Variants in NSMCE2 observed in about 807,000 individuals in gnomAD.
NSMCE2 encodes the protein NSE2 SUMO ligase component of SMC5/6 complex, also known as E3 SUMO-protein ligase NSE2.
A neutral mutation model predicts 23.8 loss-of-function variants in NSMCE2; 24 were observed. The ratio of observed to expected loss-of-function variants is 1.01; its 90% CI spans 0.73 to 1.42. NSMCE2 has a LOEUF of 1.42. NSMCE2 is among the 40% of genes most tolerant of loss of function. The pLI is 0.00. For missense variants in NSMCE2, 284 were observed against 296.5 expected, an observed-to-expected ratio of 0.96 and a Z score of 0.31; for synonymous variants, 92 against 94.1, an observed-to-expected ratio of 0.98 and a Z score of 0.13.
intron 5 of NSMCE2, among the ~76,000 whole-genome samples, chr8:125,290,314 A>C (rs559743481): frequency 5.9e-5 from 9 of 152,324 alleles, no homozygotes; most frequent in Admixed American, 2.6e-4. Context: ...TAGCAAAAAA[A>C]AATTAATAAA....
At chr8:125,364,378 G>A (rs182736248) in intron 7 of NSMCE2, among the ~76,000 whole-genome samples, 2 of 152,290 alleles carry the variant, frequency 1.3e-5, no homozygotes, top group Non-Finnish European at 2.9e-5. Context: ...GGACTGTTGG[G>A]CTTCCTACCA....
At chr8:125,202,040 C>T (rs1823906209) in intron 5 of NSMCE2, among the ~76,000 whole-genome samples, 1 of 152,242 alleles carries the variant, frequency 6.6e-6, no homozygotes, top group South Asian at 2.1e-4. Flanking sequence ...GAGAGAATCT[C>T]CTGGTCTGTT....
chr8:125,157,342 C>T (rs758600282), intron 4 of NSMCE2, among the ~76,000 whole-genome samples: 1 of 152,166 alleles, frequency 6.6e-6, no homozygotes, highest in Non-Finnish European at 1.5e-5. Context: ...ATAGACAACT[C>T]TTAACATGTT....
rs115501845 is a variant in NSMCE2, at chr8:125,286,990, T to A, written c.419-70229T>A. ...CCCGATCTCACTGTAACGTGCCTCC[T>A]CTGTAGGGTGGTTTTACCACACATG... is the stretch of plus-strand genomic sequence containing the variant. On this transcript the variant is annotated intron_variant, in intron 5 of 7. Transcript: ENST00000287437. Among the ~76,000 whole-genome samples the A allele has an allele frequency of 2.5e-3, 379 of 152,290 alleles. 2 individuals are homozygous for A. The highest frequency in any genetic ancestry group is 7.6e-3 in the African/African-American group (317 of 41,558).
At chr8:125,182,369 T>C in intron 5 of NSMCE2, 113 bp downstream of exon 5, 2 of 836,170 alleles carry the variant, frequency 2.4e-6, no homozygotes, top group Non-Finnish European at 3.9e-6. Context: ...GGCTTGATCC[T>C]CATTCTAAGT....
intron 5 of NSMCE2, among the ~76,000 whole-genome samples, chr8:125,355,855 A>G (rs1206940371): frequency 6.6e-6 from 1 of 152,012 alleles, no homozygotes; most frequent in Non-Finnish European, 1.5e-5. Flanking sequence ...TTGGTTTTTC[A>G]GTTGGGGGCC....
chr8:125,155,933 C>T, intron 4 of NSMCE2: 1 of 446,964 alleles, frequency 2.2e-6, no homozygotes, highest in South Asian at 1.6e-5. Context: ...ATGAGAATGA[C>T]CCAACAAGTT....
intron 5 of NSMCE2, among the ~76,000 whole-genome samples, chr8:125,300,055 G>A (rs1828499804): frequency 6.6e-6 from 1 of 151,666 alleles, no homozygotes; most frequent in Non-Finnish European, 1.5e-5. Flanking sequence ...CTGACCTCAG[G>A]TGATTCATCT....
intron 5 of NSMCE2, among the ~76,000 whole-genome samples, chr8:125,210,037 T>A (rs943708756): frequency 1.3e-5 from 2 of 152,210 alleles, no homozygotes; most frequent in African/African-American, 4.8e-5. Context: ...TAGTCACAGT[T>A]CATAGCTTAG....
At chr8:125,213,709 C>CTTCCTTCCTTCCTTAT (rs1463029886) in intron 5 of NSMCE2, among the ~76,000 whole-genome samples, 1 of 150,094 alleles carries the variant, frequency 6.7e-6, no homozygotes, top group Non-Finnish European at 1.5e-5. Flanking sequence ...CCCTCCCTCC[C>CTTCCTTCCTTCCTTAT]TTCCTTCCTT....
At chr8:125,208,534 C>T (rs1379231780) in intron 5 of NSMCE2, among the ~76,000 whole-genome samples, 2 of 152,092 alleles carry the variant, frequency 1.3e-5, no homozygotes, top group African/African-American at 4.8e-5. Context: ...ATGACCTAGT[C>T]CTTTTAGTGG....
At chr8:125,283,047 A>T (rs1396334549) in intron 5 of NSMCE2, among the ~76,000 whole-genome samples, 2 of 152,208 alleles carry the variant, frequency 1.3e-5, no homozygotes, top group Non-Finnish European at 2.9e-5. Flanking sequence ...CCTTGGGTAT[A>T]TTATGTAACC....
intron 4 of NSMCE2, among the ~76,000 whole-genome samples, chr8:125,167,035 C>T (rs1821922610): frequency 6.6e-6 from 1 of 152,054 alleles, no homozygotes; most frequent in African/African-American, 2.4e-5. Flanking sequence ...ATGTGGATTC[C>T]TCCTCCACTG....
chr8:125,346,999 TGTCGAA>T (rs1586802827), intron 5 of NSMCE2, among the ~76,000 whole-genome samples: 1 of 152,268 alleles, frequency 6.6e-6, no homozygotes, highest in East Asian at 1.9e-4. Context: ...CAGAGGAGTG[TGTCGAA>T]AGAGCCATGG....
intron 5 of NSMCE2, among the ~76,000 whole-genome samples, chr8:125,330,177 C>CTTTTTTTTTTTTT (rs34345598): frequency 2.5e-5 from 3 of 119,122 alleles, no homozygotes; most frequent in Non-Finnish European, 1.6e-5. Flanking sequence ...TTTCTTTTTT[C>CTTTTTTTTTTTTT]TTTCTTTTTT....
At position 125,200,199 on chromosome 8, in the gene NSMCE2, G is replaced by T. The variant is rs138355373; in HGVS notation, c.418+17943G>T. On this transcript the variant is annotated intron_variant, in intron 5 of 7. Coordinates refer to ENST00000287437, the MANE Select transcript of NSMCE2 (RefSeq NM_173685.4). ...TTTAAGGTTAATATTGTTATGTTTG[G>T]ATTTGATCCTGTCATTATGATGTTA... Among the ~76,000 whole-genome samples the T allele has an allele frequency of 4.4e-3, 667 of 151,940 alleles. 4 individuals are homozygous for T. The highest frequency in any genetic ancestry group is 0.015 in the African/African-American group (641 of 41,380).
At chr8:125,140,667 G>A (rs1004308244) in intron 3 of NSMCE2, among the ~76,000 whole-genome samples, 3 of 151,928 alleles carry the variant, frequency 2.0e-5, no homozygotes, top group Non-Finnish European at 2.9e-5. Flanking sequence ...AAACATATGA[G>A]ATTTAAGCCT....
intron 3 of NSMCE2, among the ~76,000 whole-genome samples, chr8:125,135,814 A>G (rs1209256799): frequency 6.6e-6 from 1 of 152,214 alleles, no homozygotes; most frequent in Non-Finnish European, 1.5e-5. Flanking sequence ...CTGATGCTTT[A>G]TGATAAATCT....
At chr8:125,159,032 A>G (rs542559119) in intron 4 of NSMCE2, among the ~76,000 whole-genome samples, 14 of 152,334 alleles carry the variant, frequency 9.2e-5, no homozygotes, top group Admixed American at 2.6e-4. Context: ...CAAATAAATA[A>G]ATAGCACCTC....
Sources: gnomAD v4.1 joint callset for allele counts (sites outside exome capture counted in the v4.1 genomes callset) on GRCh38, gnomAD v4.1.1 for gene constraint, MANE v1.5 for transcripts, NCBI Gene and HGNC (gene_info 2026-07-23, HGNC 2026-07-21) for gene names.